Variants in HS3ST3A1 observed in about 807,000 individuals in gnomAD.
HS3ST3A1 encodes the protein heparan sulfate-glucosamine 3-sulfotransferase 3A1.
HS3ST3A1 carries 19 observed loss-of-function variants against 25.7 expected under a neutral mutation model. The observed-to-expected ratio is 0.74, with a 90% confidence interval of 0.52 to 1.08. The LOEUF is 1.08. Among genes scored for constraint, HS3ST3A1 ranks in the 50% least tolerant of loss-of-function variants. The pLI, the probability that HS3ST3A1 is intolerant of heterozygous loss-of-function variation, is 0.00. For synonymous variants in HS3ST3A1, 226 were observed against 278.6 expected (o/e 0.81, Z 1.88); for missense variants, 459 against 594.3 (o/e 0.77, Z 2.37).
At chr17:13,569,497 T>TAC (rs1907751620) in intron 1 of HS3ST3A1, among the ~76,000 whole-genome samples, 1 of 152,202 alleles carries the variant, frequency 6.6e-6, no homozygotes, top group African/African-American at 2.4e-5. Flanking sequence ...ACATGGCAGA[T>TAC]ACACACACCA....
At position 13,600,832 on chromosome 17, in the gene HS3ST3A1, G is replaced by C; in HGVS notation, c.298C>G (p.Arg100Gly). Reference sequence around the variant, plus strand: ...CCGTCGTCGCGGGGCGCGGGCGGCCGGCGCCTCCGCCACTGCGGCAGTTGC... The same window carrying C: ...CCGTCGTCGCGGGGCGCGGGCGGCCCGCGCCTCCGCCACTGCGGCAGTTGC... Reference protein sequence around the residue: ...LLQLPQWRRRRPPAPRDDGEE... With the variant: ...LLQLPQWRRRGPPAPRDDGEE... Residue 100 changes from arginine to glycine, a missense_variant, in exon 1 of 2, where the codon CGG (arginine) becomes GGG (glycine). Coordinates refer to ENST00000284110, the MANE Select transcript of HS3ST3A1 (RefSeq NM_006042.3). 1.4e-6 allele frequency: 2 copies of C among 1,415,670 alleles called. No individual in the cohort carries two copies. The highest frequency in any genetic ancestry group is 3.1e-5 in the South Asian group (2 of 64,592). 87.7% of individuals were successfully genotyped at this position (1,415,670 alleles called of 1,614,324 possible).
intron 1 of HS3ST3A1, among the ~76,000 whole-genome samples, chr17:13,503,197 A>G (rs2142295981): frequency 6.6e-6 from 1 of 151,886 alleles, no homozygotes; most frequent in South Asian, 2.1e-4. Flanking sequence ...AAAAAGAAAA[A>G]AAAAGAGCTC....
At chr17:13,597,232 A>G (rs1412576080) in intron 1 of HS3ST3A1, among the ~76,000 whole-genome samples, 1 of 152,122 alleles carries the variant, frequency 6.6e-6, no homozygotes, top group Non-Finnish European at 1.5e-5. Flanking sequence ...GTATGTGTAC[A>G]CACATATTTA....
At chr17:13,573,234 T>C (rs771186673) in intron 1 of HS3ST3A1, among the ~76,000 whole-genome samples, 10 of 152,172 alleles carry the variant, frequency 6.6e-5, no homozygotes, top group Non-Finnish European at 8.8e-5. Context: ...CATTTTAGAA[T>C]ACCCCAATGC....
chr17:13,545,622 G>A (rs974750658), intron 1 of HS3ST3A1, among the ~76,000 whole-genome samples: 4 of 152,198 alleles, frequency 2.6e-5, no homozygotes, highest in Non-Finnish European at 5.9e-5. Context: ...TGGAGCTGCG[G>A]CTGCATCACC....
intron 1 of HS3ST3A1, among the ~76,000 whole-genome samples, chr17:13,507,264 T>A (rs987061264): frequency 1.3e-5 from 2 of 152,162 alleles, no homozygotes; most frequent in Non-Finnish European, 2.9e-5. Context: ...TCTGATGTAT[T>A]ATTTCTTGAG....
intron 1 of HS3ST3A1, among the ~76,000 whole-genome samples, chr17:13,531,661 G>A (rs1316658252): frequency 6.6e-6 from 1 of 150,816 alleles, no homozygotes; most frequent in Non-Finnish European, 1.5e-5. Flanking sequence ...TATTTGAAAT[G>A]TCTCTCTCCA....
At chr17:13,556,746 G>A (rs1907387646) in intron 1 of HS3ST3A1, among the ~76,000 whole-genome samples, 1 of 151,588 alleles carries the variant, frequency 6.6e-6, no homozygotes, top group African/African-American at 2.4e-5. Flanking sequence ...CAGCTACTCG[G>A]GAGGCTGAGG....
intron 1 of HS3ST3A1, among the ~76,000 whole-genome samples, chr17:13,518,806 G>C (rs1476605030): frequency 6.6e-6 from 1 of 152,118 alleles, no homozygotes; most frequent in Admixed American, 6.6e-5. Context: ...TTCTGCACAG[G>C]CTCAGCCAAG....
chr17:13,527,199 T>G (rs1213370223), intron 1 of HS3ST3A1, among the ~76,000 whole-genome samples: 2 of 152,060 alleles, frequency 1.3e-5, no homozygotes, highest in African/African-American at 2.4e-5. Context: ...TTTCATTCCT[T>G]TAAACTGATT....
rs561438926 is a variant in HS3ST3A1 at position 13,548,992 on chromosome 17, C to G, written c.599+51539G>C. 8.5e-4 allele frequency among the ~76,000 whole-genome samples: 130 copies of G among 152,334 alleles called. 1 individual carries two copies. The highest frequency in any genetic ancestry group is 2.9e-3 in the African/African-American group (122 of 41,584). ...GAACTAAAAACTGGCCACCCGAGCC[C>G]GCAGCAGCGATCTGCTCCGGTCCCT... is the stretch of plus-strand genomic sequence containing the variant. On this transcript the variant is annotated intron_variant, in intron 1 of 1. Coordinates refer to ENST00000284110, the MANE Select transcript of HS3ST3A1 (RefSeq NM_006042.3).
chr17:13,541,089 C>T (rs1057159302), intron 1 of HS3ST3A1, among the ~76,000 whole-genome samples: 1 of 152,140 alleles, frequency 6.6e-6, no homozygotes, highest in Non-Finnish European at 1.5e-5. Flanking sequence ...CCAACTGACC[C>T]CACATATCCC....
At chr17:13,587,542 G>A (rs940364632) in intron 1 of HS3ST3A1, among the ~76,000 whole-genome samples, 1 of 152,154 alleles carries the variant, frequency 6.6e-6, no homozygotes, top group Admixed American at 6.5e-5. Flanking sequence ...AGACAGATGA[G>A]TGAATAACAC....
chr17:13,558,420 T>TA (rs1449747815), intron 1 of HS3ST3A1, among the ~76,000 whole-genome samples: 1 of 152,016 alleles, frequency 6.6e-6, no homozygotes, highest in Non-Finnish European at 1.5e-5. Context: ...ATAGATAAAA[T>TA]AAAAATTTCA....
At chr17:13,589,123 T>C (rs555398293) in intron 1 of HS3ST3A1, among the ~76,000 whole-genome samples, 1 of 152,326 alleles carries the variant, frequency 6.6e-6, no homozygotes, top group Admixed American at 6.5e-5. Context: ...ATTCGCTTCA[T>C]CCACACAGAC....
rs1047933 is a variant in HS3ST3A1 at position 13,496,016 on chromosome 17, A to T, written c.*181T>A. 2 of 712,846 alleles carry T rather than the reference A, an allele frequency of 2.8e-6. No individual in the cohort carries two copies. The highest frequency in any genetic ancestry group is 4.3e-4 in the Middle Eastern group (1 of 2,318). The allele number at this position is 712,846 out of a possible 1,614,324, so 44.2% of individuals were successfully genotyped here. A position where few individuals can be genotyped will look rare whatever the true frequency, so the allele number is the denominator to read the frequency against. ...CGAGTGAAATTTTCCTTTTCTGTTGATCCACGTGTTTGGTGTTGGTTATAC... is the reference window on the plus strand; with the variant it reads ...CGAGTGAAATTTTCCTTTTCTGTTGTTCCACGTGTTTGGTGTTGGTTATAC... On this transcript the variant is annotated 3_prime_UTR_variant, in exon 2 of 2. Coordinates refer to ENST00000284110, the MANE Select transcript of HS3ST3A1 (RefSeq NM_006042.3).
Position 13,519,708 on chromosome 17 carries a change from A to G in HS3ST3A1, c.600-22890T>C, listed in dbSNP as rs368379026. ...TTTATAAGTAAGTGGATTCTGATGT[A>G]TGGTTATTTTATTCATTCATGCCAA... On this transcript the variant is annotated intron_variant, in intron 1 of 1. Transcript: ENST00000284110. Among the ~76,000 whole-genome samples the G allele has an allele frequency of 8.7e-4, 132 of 152,252 alleles. 1 individual carries two copies. Among genetic ancestry groups the G allele is most frequent in the African/African-American group, 2.8e-3 (116 of 41,558 alleles).
chr17:13,539,801 G>C (rs529492574), intron 1 of HS3ST3A1, among the ~76,000 whole-genome samples: 1 of 152,116 alleles, frequency 6.6e-6, no homozygotes, highest in Admixed American at 6.6e-5. Flanking sequence ...ATGATTTGTC[G>C]TTGAGCTTCT....
intron 1 of HS3ST3A1, among the ~76,000 whole-genome samples, chr17:13,534,089 T>A (rs1216703486): frequency 6.6e-6 from 1 of 152,168 alleles, no homozygotes; most frequent in Non-Finnish European, 1.5e-5. Flanking sequence ...ACTAGGTAGG[T>A]AGAAGAATGT....
Sources: gnomAD v4.1 joint callset for allele counts (sites outside exome capture counted in the v4.1 genomes callset) on GRCh38, gnomAD v4.1.1 for gene constraint, MANE v1.5 for transcripts, NCBI Gene and HGNC (gene_info 2026-07-23, HGNC 2026-07-21) for gene names.